Variants in PCDH11X observed in about 807,000 individuals in gnomAD.
PCDH11X encodes the protein protocadherin 11 X-linked.
A neutral mutation model predicts 53.3 loss-of-function variants in PCDH11X; 18 were observed. The ratio of observed to expected loss-of-function variants is 0.34; its 90% CI spans 0.23 to 0.50. The LOEUF (loss-of-function observed/expected upper bound fraction) is 0.50, where lower values mean the gene tolerates loss of function less well. Among genes scored for constraint, PCDH11X ranks in the 20% least tolerant of loss-of-function variants. The probability of loss-of-function intolerance (pLI) is 0.98; values close to 1 mark genes in which losing one functional copy is unlikely to be tolerated. For missense variants in PCDH11X, 570 were observed against 1,032.4 expected (o/e 0.55, Z 6.14); for synonymous variants, 279 against 393.3 (o/e 0.71, Z 3.44).
intron 10 of PCDH11X, among the ~76,000 whole-genome samples, chrX:92,616,579 A>T (rs1409284666): frequency 8.9e-6 from 1 of 111,834 alleles, no homozygotes; most frequent in Non-Finnish European, 1.9e-5. Context: ...ATTTTTATTA[A>T]TCATTTTGTA....
intron 6 of PCDH11X, among the ~76,000 whole-genome samples, chrX:92,141,841 C>G (rs2065185315): frequency 9.0e-6 from 1 of 111,420 alleles, no homozygotes; most frequent in Non-Finnish European, 1.9e-5. Flanking sequence ...TACTTAAGAA[C>G]ATGTTTCTGA....
At chrX:91,997,348 G>A (rs2062437266) in intron 6 of PCDH11X, among the ~76,000 whole-genome samples, 1 of 110,763 alleles carries the variant, frequency 9.0e-6, no homozygotes, top group African/African-American at 3.3e-5. Context: ...TTAGCTGTGG[G>A]TTTGTCTTAT....
At chrX:91,912,298 A>G (rs1211897169) in intron 6 of PCDH11X, among the ~76,000 whole-genome samples, 1 of 111,255 alleles carries the variant, frequency 9.0e-6, no homozygotes, top group East Asian at 2.8e-4. Context: ...TCTAAGTAGA[A>G]CTTCCAGTAC....
At chrX:92,552,418 A>C (rs2074975128) in intron 10 of PCDH11X, among the ~76,000 whole-genome samples, 1 of 106,275 alleles carries the variant, frequency 9.4e-6, no homozygotes, top group Non-Finnish European at 2.0e-5. Flanking sequence ...CTTGTTCATG[A>C]GTTCTAACAG....
At chrX:92,182,100 C>T (rs112557813) in intron 6 of PCDH11X, among the ~76,000 whole-genome samples, 3,272 of 112,252 alleles carry the variant, frequency 0.029, 53 homozygotes, top group Middle Eastern at 0.055. Context: ...CCTACAAAGC[C>T]ACAGTGGTGC....
chrX:91,826,180 G>A (rs752457749), intron 4 of PCDH11X, among the ~76,000 whole-genome samples: 2 of 111,411 alleles, frequency 1.8e-5, no homozygotes, highest in East Asian at 5.6e-4. Flanking sequence ...TAAGTATGAA[G>A]AATATTGCTA....
At chrX:92,100,183 C>T (rs1051861235) in intron 6 of PCDH11X, among the ~76,000 whole-genome samples, 2 of 111,041 alleles carry the variant, frequency 1.8e-5, no homozygotes, top group Non-Finnish European at 3.8e-5. Flanking sequence ...TAACAAGGTA[C>T]ACACGAAGAA....
intron 7 of PCDH11X, among the ~76,000 whole-genome samples, chrX:92,230,518 A>G (rs1351588184): frequency 3.2e-5 from 3 of 93,913 alleles, no homozygotes; most frequent in Non-Finnish European, 6.2e-5. Context: ...AATATATAAT[A>G]TATATAAAAT....
chrX:92,279,879 C>A lies in PCDH11X; in HGVS notation c.3144+16736C>A, dbSNP rs185231181. Among the ~76,000 whole-genome samples, 120 of 112,131 alleles carry A rather than the reference C, an allele frequency of 1.1e-3. 1 individual carries two copies. The highest frequency in any genetic ancestry group is 3.8e-3 in the African/African-American group (117 of 30,892). ...ATTGTTACTTTGATTAGGTAAATTT[C>A]TCCTGTACAGTCATGTGCCACATAA... On this transcript the variant is annotated intron_variant, in intron 8 of 10. Coordinates refer to ENST00000682573, the MANE Select transcript of PCDH11X (RefSeq NM_032968.5).
intron 6 of PCDH11X, among the ~76,000 whole-genome samples, chrX:91,892,778 G>T (rs1221859455): frequency 1.5e-4 from 16 of 106,406 alleles, no homozygotes; most frequent in Non-Finnish European, 2.7e-4. Flanking sequence ...CTTGGCTCAC[G>T]GCAACATCCG....
chrX:92,481,718 G>C (rs2073511599), intron 10 of PCDH11X, among the ~76,000 whole-genome samples: 1 of 111,732 alleles, frequency 8.9e-6, no homozygotes, highest in African/African-American at 3.3e-5. Context: ...GAGAGTCCCT[G>C]ACCATGCTCT....
chrX:92,390,478 A>G (rs1479164427), intron 9 of PCDH11X, among the ~76,000 whole-genome samples: 2 of 108,892 alleles, frequency 1.8e-5, no homozygotes, highest in Admixed American at 2.0e-4. Context: ...GCTAATACTG[A>G]TGATAAGGTA....
intron 4 of PCDH11X, among the ~76,000 whole-genome samples, chrX:91,825,057 G>C (rs1287744548): frequency 9.0e-6 from 1 of 111,172 alleles, no homozygotes; most frequent in Non-Finnish European, 1.9e-5. Flanking sequence ...TGCATACTGG[G>C]AGAACCACTG....
intron 8 of PCDH11X, among the ~76,000 whole-genome samples, chrX:92,327,082 TAA>T (rs574967706): frequency 6.2e-4 from 67 of 108,616 alleles, no homozygotes; most frequent in Middle Eastern, 9.6e-3. Context: ...AGCGTAAAAA[TAA>T]AGAGATTAAT....
chrX:92,211,853 G>A (rs933870988), intron 7 of PCDH11X, among the ~76,000 whole-genome samples: 3 of 110,792 alleles, frequency 2.7e-5, no homozygotes, highest in Admixed American at 9.7e-5. Context: ...AGATGCTCAG[G>A]TTAAAGGTCA....
At chrX:92,610,371 G>A (rs1428343445) in intron 10 of PCDH11X, among the ~76,000 whole-genome samples, 1 of 109,572 alleles carries the variant, frequency 9.1e-6, no homozygotes, top group East Asian at 2.9e-4. Flanking sequence ...TTTTTTATAT[G>A]TTTGTTGGCC....
At chrX:91,915,490 GA>G (rs1941523090) in intron 6 of PCDH11X, among the ~76,000 whole-genome samples, 1 of 110,049 alleles carries the variant, frequency 9.1e-6, no homozygotes, top group South Asian at 3.8e-4. Context: ...TAATGGGGTG[GA>G]AAAAAACATT....
At chrX:92,568,393 GCCTGGGTGACAGAGTGAGA>G (rs1253813729) in intron 10 of PCDH11X, among the ~76,000 whole-genome samples, 2 of 107,949 alleles carry the variant, frequency 1.9e-5, no homozygotes, top group African/African-American at 3.4e-5. Flanking sequence ...CTGCATTCCA[GCCTGGGTGACAGAGTGAGA>G]CTCTGTCTCC....
chrX:92,095,578 T>C lies in PCDH11X; in HGVS notation c.3034-105797T>C, dbSNP rs2064121610. ...TTTGATGTTGTCACCACTATAGTCC[T>C]AAATTAAGCCTACTTCAAAGCTTTA... On this transcript the variant is annotated intron_variant, in intron 6 of 10. Transcript: ENST00000682573. Among the ~76,000 whole-genome samples, 4 of 111,457 alleles carry C rather than the reference T, an allele frequency of 3.6e-5. No individual in the cohort carries two copies. In the South Asian group the frequency reaches 1.1e-3, roughly 31 times the overall value.
Sources: allele counts gnomAD v4.1 joint callset (sites outside exome capture counted in the v4.1 genomes callset), GRCh38; gene constraint gnomAD v4.1.1; transcripts MANE v1.5; gene names NCBI Gene and HGNC (gene_info 2026-07-23, HGNC 2026-07-21).